FBXO10: variants seen among roughly 807,000 people sequenced by gnomAD.
The protein encoded by FBXO10 is F-box protein 10, also known as F-box only protein 10.
A neutral mutation model predicts 80.7 loss-of-function variants in FBXO10; 39 were observed. The observed-to-expected ratio is 0.48, with a 90% CI of 0.37 to 0.63. The LOEUF (loss-of-function observed/expected upper bound fraction) is 0.63. FBXO10 is among the 30% of genes least tolerant of loss of function. The pLI is 0.00. For synonymous variants in FBXO10, 449 were observed against 489.6 expected, an observed-to-expected ratio of 0.92 and a Z score of 1.09; for missense variants, 1,025 against 1,269.0, an observed-to-expected ratio of 0.81 and a Z score of 2.92.
chr9:37,539,833 G>A (rs1821868085), intron 2 of FBXO10, among the ~76,000 whole-genome samples: 2 of 152,306 alleles, frequency 1.3e-5, no homozygotes, highest in South Asian at 4.1e-4. Context: ...GTGACCTTCA[G>A]TAGCCCTCAT....
chr9:37,520,453 TGAGTAGCTGG>T (rs1343297008), intron 8 of FBXO10, among the ~76,000 whole-genome samples: 2 of 150,900 alleles, frequency 1.3e-5, no homozygotes, highest in Non-Finnish European at 3.0e-5. Flanking sequence ...CCCCGCCTCC[TGAGTAGCTGG>T]GACCACAGGC....
chr9:37,545,126 A>G (rs1284412305), intron 1 of FBXO10, among the ~76,000 whole-genome samples: 1 of 147,544 alleles, frequency 6.8e-6, no homozygotes, highest in Non-Finnish European at 1.5e-5. Flanking sequence ...CTTCTATGAC[A>G]CTGATGTTTC....
chr9:37,571,676 A>G (rs920248953), intron 1 of FBXO10, among the ~76,000 whole-genome samples: 4 of 142,932 alleles, frequency 2.8e-5, no homozygotes, highest in Non-Finnish European at 6.0e-5. Context: ...ACAGAATGGG[A>G]TCGAAGATAT....
At chr9:37,562,654 T>C (rs1822508826) in intron 1 of FBXO10, among the ~76,000 whole-genome samples, 1 of 152,178 alleles carries the variant, frequency 6.6e-6, no homozygotes, top group Non-Finnish European at 1.5e-5. Flanking sequence ...ACTGAATAAA[T>C]AATCACCCTC....
chr9:37,521,738 G>T lies in FBXO10; in HGVS notation c.2031C>A (p.Ser677Arg). The change falls in exon 8 of 11, where the codon AGC (serine) becomes AGA (arginine). Residue 677 changes from serine to arginine, a missense_variant. By Grantham distance (110) the Ser-to-Arg change is moderately radical (BLOSUM62 -1). Coordinates refer to ENST00000432825, the MANE Select transcript of FBXO10 (RefSeq NM_012166.3). The stretch of plus-strand genomic sequence containing the variant: ...GTAACTCGCTGGAGCCATCCTTCTG[G>T]CTAAATACTGCCACTCCATACAGGC... ...YNGLYGVAVF[S>R]QKDGSSELPR... 6.2e-7 allele frequency: 1 copy of T among 1,613,658 alleles called. No homozygotes were observed. The highest frequency in any genetic ancestry group is 8.5e-7 in the Non-Finnish European group (1 of 1,179,878).
At chr9:37,561,603 C>T (rs1822485001) in intron 1 of FBXO10, among the ~76,000 whole-genome samples, 2 of 152,198 alleles carry the variant, frequency 1.3e-5, no homozygotes, top group South Asian at 4.1e-4. Flanking sequence ...CTGACAATGG[C>T]TGGCCTGATA....
Position 37,537,383 on chromosome 9 carries a change from G to T in FBXO10, c.1146C>A (p.Arg382=), listed in dbSNP as rs1313052374. The change falls in exon 3 of 11, where the codon CGC becomes CGA. Residue 382 remains arginine, a synonymous_variant. Coordinates refer to ENST00000432825, the MANE Select transcript of FBXO10 (RefSeq NM_012166.3). The part of the protein sequence containing the change: ...YRLSYQVQGP[R]PVLGGSFLGP... ...CCAGAAATGAGCCCCCCAATACAGG[G>T]CGTGGGCCCTGCACTTGGTAGGATA... The T allele has an allele frequency of 3.1e-6, 5 of 1,596,740 alleles. No individual in the cohort carries two copies. The South Asian group carries it at 3.4e-5, about 11-fold the overall frequency.
chr9:37,553,916 C>CAAAAAA (rs71494669), intron 1 of FBXO10, among the ~76,000 whole-genome samples: 38 of 64,252 alleles, frequency 5.9e-4, no homozygotes, highest in South Asian at 7.0e-4. Context: ...AAGTCTGCCT[C>CAAAAAA]AAAAAAAAAA....
intron 10 of FBXO10, among the ~76,000 whole-genome samples, chr9:37,514,244 G>C (rs1821129586): frequency 6.6e-6 from 1 of 152,188 alleles, no homozygotes; most frequent in African/African-American, 2.4e-5. Context: ...CAGCAGGGGA[G>C]CACTACTGAA....
rs1207107550 is a variant in FBXO10 at position 37,522,921 on chromosome 9, G to A, written c.1834C>T (p.Pro612Ser). The change falls in exon 7 of 11, where the codon CCC becomes TCC. Residue 612 changes from proline (P) to serine (S), a missense_variant. Pro to Ser is a moderately conservative substitution (Grantham distance 74). Transcript: ENST00000432825. ...GGVDIRRGGI[P>S]VLRSNLICFG... The stretch of plus-strand genomic sequence containing the variant: ...CAGATGAGGTTACTCCTGAGAACGG[G>A]GATCCCTCCACGGCGGATGTCCACA... The A allele has an allele frequency of 3.8e-6, 6 of 1,586,310 alleles. No individual in the cohort carries two copies. The highest frequency in any genetic ancestry group is 5.1e-6 in the Non-Finnish European group (6 of 1,166,670).
rs368065363 is a variant in FBXO10 at position 37,526,408 on chromosome 9, T to C, written c.1707-1236A>G. Reference sequence around the variant, plus strand: ...AAACAAAGGAAAAAAGCACAACCTATTCTCTCAAGATGACTATGTTTTAAA... The same window carrying C: ...AAACAAAGGAAAAAAGCACAACCTACTCTCTCAAGATGACTATGTTTTAAA... On this transcript the variant is annotated intron_variant, in intron 5 of 10. Coordinates refer to ENST00000432825, the MANE Select transcript of FBXO10 (RefSeq NM_012166.3). Among the ~76,000 whole-genome samples, 621 of 152,280 alleles carry C rather than the reference T, an allele frequency of 4.1e-3. 5 individuals are homozygous for C. Among genetic ancestry groups the C allele is most frequent in the African/African-American group, 0.013 (548 of 41,540 alleles).
At chr9:37,573,858 A>T (rs1191534717) in intron 1 of FBXO10, among the ~76,000 whole-genome samples, 1 of 142,388 alleles carries the variant, frequency 7.0e-6, no homozygotes, top group African/African-American at 2.7e-5. Flanking sequence ...ATTTTAGACG[A>T]GTGGGAAACT....
rs748932686 is a variant in FBXO10 at position 37,521,712 on chromosome 9, G to A, written c.2057C>T (p.Pro686Leu). The change falls in exon 8 of 11, where the codon CCT becomes CTT. Residue 686 changes from proline (P) to leucine (L), a missense_variant. Transcript: ENST00000432825. The stretch of plus-strand genomic sequence containing the variant: ...GTTCTCTTGAGCCCTGTGGCCTCGA[G>A]GTAACTCGCTGGAGCCATCCTTCTG... The part of the protein sequence containing the change: ...FSQKDGSSEL[P>L]RGHRAQENFS... 6 of 1,613,936 alleles carry A rather than the reference G, an allele frequency of 3.7e-6. No individual in the cohort carries two copies. The highest frequency in any genetic ancestry group is 3.4e-6 in the Non-Finnish European group (4 of 1,179,872).
In FBXO10 at chr9:37,517,086, A is replaced by C. The variant is rs534906460; in HGVS notation, c.2515-1001T>G. Among the ~76,000 whole-genome samples, 10 of 152,292 alleles carry C rather than the reference A, an allele frequency of 6.6e-5. No homozygotes were observed. The South Asian group carries it at 1.0e-3, about 16-fold the overall frequency. On this transcript the variant is annotated intron_variant, in intron 9 of 10. Transcript: ENST00000432825. ...GACTTGGAGGCCATTATTCTAAGAG[A>C]AGTAACTCAGAAACGGAAAACCAAA...
chr9:37,544,759 C>A (rs925646806), intron 1 of FBXO10, among the ~76,000 whole-genome samples: 4 of 151,982 alleles, frequency 2.6e-5, no homozygotes, highest in Non-Finnish European at 4.4e-5. Context: ...CTTTGGGAGG[C>A]CGAGGTGGGC....
At chr9:37,556,533 A>ATTTTTTTT (rs60829486) in intron 1 of FBXO10, among the ~76,000 whole-genome samples, 1 of 75,102 alleles carries the variant, frequency 1.3e-5, no homozygotes, top group Non-Finnish European at 2.4e-5. Flanking sequence ...TTTGTTCTGG[A>ATTTTTTTT]TTTTTTTTTT....
chr9:37,572,665 A>T (rs1411457480), intron 1 of FBXO10, among the ~76,000 whole-genome samples: 2 of 152,224 alleles, frequency 1.3e-5, no homozygotes, highest in African/African-American at 4.8e-5. Context: ...CAAAAAAATG[A>T]TTATCACAAG....
At chr9:37,560,970 G>A (rs200688389) in intron 1 of FBXO10, among the ~76,000 whole-genome samples, 2 of 151,994 alleles carry the variant, frequency 1.3e-5, no homozygotes, top group East Asian at 3.9e-4. Flanking sequence ...GTGAAACCCC[G>A]TCTCTACTAA....
chr9:37,553,881 A>AC (rs1163319997), intron 1 of FBXO10, among the ~76,000 whole-genome samples: 2 of 139,994 alleles, frequency 1.4e-5, no homozygotes, highest in Non-Finnish European at 3.0e-5. Flanking sequence ...ATGGCATTGC[A>AC]CTCCAGCCCG....
Sources: gnomAD v4.1 joint callset for allele counts (sites outside exome capture counted in the v4.1 genomes callset) on GRCh38, gnomAD v4.1.1 for gene constraint, MANE v1.5 for transcripts, NCBI Gene and HGNC (gene_info 2026-07-23, HGNC 2026-07-21) for gene names.